TAF3: variants seen among roughly 807,000 people sequenced by gnomAD.
TAF3 encodes TATA-box binding protein associated factor 3, also known as transcription initiation factor TFIID subunit 3.
Under a neutral mutation model 80.6 loss-of-function variants are expected in TAF3, and 7 were observed. That is an observed-to-expected ratio of 0.09 (90% CI 0.05 to 0.16). The LOEUF (loss-of-function observed/expected upper bound fraction) is 0.16. TAF3 is among the 10% of genes least tolerant of loss of function. TAF3 has a pLI of 1.00. For missense variants in TAF3, 921 were observed against 1,140.2 expected (o/e 0.81, Z 2.77); for synonymous variants, 444 against 446.1 (o/e 1.00, Z 0.06).
chr10:7,956,748 A>G (rs1395229081), intron 2 of TAF3, among the ~76,000 whole-genome samples: 2 of 152,142 alleles, frequency 1.3e-5, no homozygotes, highest in Non-Finnish European at 2.9e-5. Context: ...CATGCAAAAC[A>G]TTTGGCAGAA....
chr10:7,955,945 T>G (rs1838131176), intron 2 of TAF3, among the ~76,000 whole-genome samples: 2 of 152,200 alleles, frequency 1.3e-5, no homozygotes, highest in African/African-American at 2.4e-5. Context: ...TACATTTTGT[T>G]GCTTTTATGT....
At chr10:7,919,188 A>AG (rs1837740531) in intron 2 of TAF3, among the ~76,000 whole-genome samples, 1 of 152,180 alleles carries the variant, frequency 6.6e-6, no homozygotes, top group African/African-American at 2.4e-5. Flanking sequence ...ATGTCCTAGG[A>AG]GGCCTAGCTT....
At chr10:7,863,636 T>C (rs1469074134) in intron 2 of TAF3, among the ~76,000 whole-genome samples, 1 of 68,838 alleles carries the variant, frequency 1.5e-5, no homozygotes, top group South Asian at 7.0e-4. Context: ...AATATATATA[T>C]ATATATATAT....
intron 2 of TAF3, among the ~76,000 whole-genome samples, chr10:7,844,504 G>C (rs545373623): frequency 6.6e-6 from 1 of 151,782 alleles, no homozygotes; most frequent in African/African-American, 2.4e-5. Flanking sequence ...AGCCTCCTGA[G>C]TAGTTGGGAT....
intron 2 of TAF3, among the ~76,000 whole-genome samples, chr10:7,841,271 A>G (rs1484907935): frequency 6.6e-6 from 1 of 152,118 alleles, no homozygotes; most frequent in African/African-American, 2.4e-5. Flanking sequence ...TCCTTCCTTC[A>G]TTCGTCAAGG....
intron 2 of TAF3, among the ~76,000 whole-genome samples, chr10:7,881,037 A>T (rs1402300883): frequency 6.6e-6 from 1 of 152,080 alleles, no homozygotes; most frequent in South Asian, 2.1e-4. Flanking sequence ...GGAATTGGAG[A>T]CCAGCCTGGG....
intron 2 of TAF3, among the ~76,000 whole-genome samples, chr10:7,828,183 T>C (rs1424335217): frequency 6.6e-6 from 1 of 152,062 alleles, no homozygotes; most frequent in African/African-American, 2.4e-5. Flanking sequence ...TAGTGCGCAA[T>C]GATTGAGCCT....
chr10:7,856,197 G>T (rs774422506), intron 2 of TAF3, among the ~76,000 whole-genome samples: 6 of 152,112 alleles, frequency 3.9e-5, no homozygotes, highest in Non-Finnish European at 7.4e-5. Flanking sequence ...AATCAGAAAA[G>T]ATTTTGGCTG....
chr10:7,858,437 AATTATG>A (rs1276619632), intron 2 of TAF3, among the ~76,000 whole-genome samples: 3 of 152,202 alleles, frequency 2.0e-5, no homozygotes, highest in African/African-American at 7.2e-5. Context: ...GCTAGGCTAC[AATTATG>A]ATCATTAGCA....
At chr10:7,876,034 A>G (rs1211085649) in intron 2 of TAF3, among the ~76,000 whole-genome samples, 1 of 151,776 alleles carries the variant, frequency 6.6e-6, no homozygotes. Context: ...TTAAATTTAT[A>G]TTTATAAAAA....
chr10:7,974,891 C>T (rs889072356), intron 3 of TAF3, among the ~76,000 whole-genome samples: 4 of 151,802 alleles, frequency 2.6e-5, no homozygotes, highest in African/African-American at 4.8e-5. Context: ...CTGGCCAACA[C>T]GGTGAAACCC....
At chr10:7,883,937 G>A (rs1837384555) in intron 2 of TAF3, among the ~76,000 whole-genome samples, 1 of 152,142 alleles carries the variant, frequency 6.6e-6, no homozygotes, top group East Asian at 1.9e-4. Context: ...ACCAGGCAAC[G>A]CAGGGCATCA....
chr10:7,964,546 G>T lies in TAF3; in HGVS notation c.1036G>T (p.Ala346Ser), dbSNP rs1469530442. The T allele has an allele frequency of 6.2e-7, 1 of 1,613,792 alleles. No individual in the cohort carries two copies. Among genetic ancestry groups the T allele is most frequent in the Admixed American group, 1.7e-5 (1 of 59,986 alleles). ...TGAAACGCCCAACAGGACTCCTTCA[G>T]CTACACTCAGTGAAAAAATCAGTAA... is the stretch of plus-strand genomic sequence containing the variant. ...RPETPNRTPS[A>S]TLSEKISKET... The change falls in exon 3 of 7, where the codon GCT becomes TCT. Residue 346 changes from alanine (A) to serine (S), a missense_variant. Physicochemically the swap from Ala to Ser is moderately conservative, Grantham distance 99 (BLOSUM62 1). This residue lies in a region of TAF3 where 743 missense variants were observed against 821.0 expected (regional missense o/e 0.90). Transcript: ENST00000344293. This position sits in a 1 kb window ranked among gnomAD's most constrained non-coding sequence, Gnocchi z 4.1.
At chr10:7,862,753 A>G (rs1032997846) in intron 2 of TAF3, among the ~76,000 whole-genome samples, 1 of 152,190 alleles carries the variant, frequency 6.6e-6, no homozygotes, top group African/African-American at 2.4e-5. Flanking sequence ...GCATTTTTCT[A>G]GAATTTTATA....
chr10:7,994,031 C>T (rs1312038550), intron 4 of TAF3, among the ~76,000 whole-genome samples: 1 of 145,462 alleles, frequency 6.9e-6, no homozygotes, highest in Non-Finnish European at 1.5e-5. Context: ...ATCCCTCCCC[C>T]TCTCTCTTTC....
At chr10:7,909,279 A>G (rs1028894598) in intron 2 of TAF3, among the ~76,000 whole-genome samples, 1 of 152,186 alleles carries the variant, frequency 6.6e-6, no homozygotes, top group Non-Finnish European at 1.5e-5. Context: ...TGATTCTTGT[A>G]CATGCTGAAG....
At chr10:7,853,486 G>C (rs1837048886) in intron 2 of TAF3, among the ~76,000 whole-genome samples, 1 of 152,176 alleles carries the variant, frequency 6.6e-6, no homozygotes, top group African/African-American at 2.4e-5. Flanking sequence ...AAAATGTATA[G>C]TATCTGTAGC....
intron 4 of TAF3, among the ~76,000 whole-genome samples, chr10:7,984,312 A>G (rs1446864737): frequency 6.6e-6 from 1 of 152,266 alleles, no homozygotes; most frequent in East Asian, 1.9e-4. Flanking sequence ...ACTGTCAGAA[A>G]AACTGGCTTT....
intron 2 of TAF3, among the ~76,000 whole-genome samples, chr10:7,826,109 C>T (rs539231841): frequency 1.3e-5 from 2 of 152,190 alleles, no homozygotes; most frequent in Non-Finnish European, 2.9e-5. Flanking sequence ...TCAGGGTTGC[C>T]TCATCTGAAA....
Sources: allele counts gnomAD v4.1 joint callset (sites outside exome capture counted in the v4.1 genomes callset), GRCh38; gene constraint gnomAD v4.1.1; regional missense constraint gnomAD v4.1.1; non-coding constraint Gnocchi (gnomAD v3.1); transcripts MANE v1.5; gene names NCBI Gene and HGNC (gene_info 2026-07-23, HGNC 2026-07-21).